PLBD1: variants seen among roughly 807,000 people sequenced by gnomAD.
PLBD1 encodes the protein lysosomal leucine aminopeptidase.
PLBD1 carries 60 observed loss-of-function variants against 63.0 expected under a neutral mutation model. The observed-to-expected ratio is 0.95, with a 90% CI of 0.77 to 1.18. The LOEUF (loss-of-function observed/expected upper bound fraction) is 1.18, where lower values mean the gene tolerates loss of function less well. Ranked by LOEUF, PLBD1 falls within the 50% of genes most tolerant of loss-of-function variation. The probability of loss-of-function intolerance (pLI) is 0.00; values close to 1 mark genes in which losing one functional copy is unlikely to be tolerated. For synonymous variants in PLBD1, 262 were observed against 248.0 expected, an observed-to-expected ratio of 1.06 and a Z score of -0.53; for missense variants, 598 against 677.9, an observed-to-expected ratio of 0.88 and a Z score of 1.31.
chr12:14,539,846 G>A (rs1201421449), intron 4 of PLBD1, among the ~76,000 whole-genome samples: 5 of 149,360 alleles, frequency 3.3e-5, no homozygotes, highest in African/African-American at 1.2e-4. Context: ...CTTTCACTGG[G>A]TATTATTGTT....
chr12:14,559,536 G>C (rs1945730628), intron 1 of PLBD1, among the ~76,000 whole-genome samples: 1 of 152,122 alleles, frequency 6.6e-6, no homozygotes, highest in African/African-American at 2.4e-5. Flanking sequence ...GCCTGGGTGA[G>C]AAACTTACTA....
intron 6 of PLBD1, among the ~76,000 whole-genome samples, chr12:14,529,197 A>AAAATAAAT (rs546031480): frequency 6.6e-6 from 1 of 151,850 alleles, no homozygotes; most frequent in African/African-American, 2.4e-5. Flanking sequence ...CCTGTCTTTA[A>AAAATAAAT]AAATAAATAA....
chr12:14,526,641 A>G (rs551414369), intron 6 of PLBD1, among the ~76,000 whole-genome samples: 1 of 152,314 alleles, frequency 6.6e-6, no homozygotes, highest in South Asian at 2.1e-4. Context: ...CCAACAAAAT[A>G]TATTAGAATA....
At chr12:14,558,815 CA>C (rs1243631429) in intron 1 of PLBD1, among the ~76,000 whole-genome samples, 17 of 152,266 alleles carry the variant, frequency 1.1e-4, no homozygotes, top group African/African-American at 4.1e-4. Context: ...TTCCTGACCA[CA>C]AAAAGAAACT....
Position 14,511,247 on chromosome 12 carries a change from A to G in PLBD1, c.1186+13T>C, listed in dbSNP as rs1304475489. The stretch of plus-strand genomic sequence containing the variant: ...CTCATCAGGTTTTAAGACTTACGAC[A>G]TGAAGAAAGTACCTTTCCGTAGAAC... On this transcript the variant is annotated intron_variant, in intron 8 of 10. Transcript: ENST00000240617. 2 of 1,573,334 alleles carry G rather than the reference A, an allele frequency of 1.3e-6. No homozygotes were observed. The highest frequency in any genetic ancestry group is 1.7e-6 in the Non-Finnish European group (2 of 1,162,178).
At chr12:14,540,115 T>TATATATATAC (rs1945559788) in intron 4 of PLBD1, among the ~76,000 whole-genome samples, 1 of 131,896 alleles carries the variant, frequency 7.6e-6, no homozygotes, top group Non-Finnish European at 1.6e-5. Context: ...ATTATTTATA[T>TATATATATAC]ATATATATAT....
rs781474376 is a variant in PLBD1 at position 14,553,192 on chromosome 12, C to T, written c.335+1G>A. 1.6e-5 allele frequency: 26 copies of T among 1,605,972 alleles called. No individual in the cohort carries two copies. Among genetic ancestry groups the T allele is most frequent in the South Asian group, 4.4e-5 (4 of 90,278 alleles). ...GGCTCTACCATGACTGGGATACTTA[C>T]GGGGCAGTGAGGTAACCCTCCAAAA... On this transcript the variant is annotated splice_donor_variant, in intron 2 of 10. Coordinates refer to ENST00000240617, the MANE Select transcript of PLBD1 (RefSeq NM_024829.6). LOFTEE classifies it high-confidence loss of function.
intron 2 of PLBD1, among the ~76,000 whole-genome samples, chr12:14,548,548 C>T (rs1475884061): frequency 6.6e-6 from 1 of 151,508 alleles, no homozygotes. Flanking sequence ...CAGTCTGGAC[C>T]TAGAAGCATA....
At chr12:14,509,247 A>G (rs1945278031) in intron 8 of PLBD1, among the ~76,000 whole-genome samples, 1 of 152,166 alleles carries the variant, frequency 6.6e-6, no homozygotes, top group African/African-American at 2.4e-5. Flanking sequence ...ATACAGACAG[A>G]TCATCATCAA....
chr12:14,565,422 CG>C (rs1592013022), intron 1 of PLBD1, among the ~76,000 whole-genome samples: 1 of 149,910 alleles, frequency 6.7e-6, no homozygotes, highest in East Asian at 1.9e-4. Flanking sequence ...GCCGAGATCA[CG>C]CCACTGTACC....
At chr12:14,528,637 C>A (rs1945435659) in intron 6 of PLBD1, among the ~76,000 whole-genome samples, 1 of 151,834 alleles carries the variant, frequency 6.6e-6, no homozygotes, top group Admixed American at 6.6e-5. Context: ...ATAGAAAGAT[C>A]AAAATCAGTT....
chr12:14,518,231 G>C (rs777937466), intron 6 of PLBD1, among the ~76,000 whole-genome samples: 4 of 152,124 alleles, frequency 2.6e-5, no homozygotes, highest in African/African-American at 7.2e-5. Context: ...ACAGTGTCAG[G>C]GACAGAGCCA....
chr12:14,563,590 A>G (rs1168016039), intron 1 of PLBD1, among the ~76,000 whole-genome samples: 2 of 152,224 alleles, frequency 1.3e-5, no homozygotes, highest in Admixed American at 1.3e-4. Context: ...CCTTATCAAG[A>G]CATGATAACT....
At chr12:14,563,925 C>A (rs558961771) in intron 1 of PLBD1, among the ~76,000 whole-genome samples, 41 of 152,190 alleles carry the variant, frequency 2.7e-4, no homozygotes, top group African/African-American at 7.5e-4. Flanking sequence ...GGCCTTATGT[C>A]GAATGAATTT....
In PLBD1 at chr12:14,540,758, T is replaced by C; in HGVS notation, c.558+6A>G. 1 of 1,568,760 alleles carries C rather than the reference T, an allele frequency of 6.4e-7. No homozygotes were observed. The highest frequency in any genetic ancestry group is 1.8e-5 in the Admixed American group (1 of 56,190). On this transcript the variant is annotated splice_donor_region_variant and intron_variant, in intron 4 of 10. Transcript: ENST00000240617. The stretch of plus-strand genomic sequence containing the variant: ...TAAATTCTGAGAAGCTTGTTTAAAG[T>C]CCTACCTTTGTCCCTTCTAATATAG...
intron 4 of PLBD1, among the ~76,000 whole-genome samples, chr12:14,540,027 T>C (rs1437135488): frequency 0.018 from 240 of 13,700 alleles, 5 homozygotes; most frequent in African/African-American, 0.018. Flanking sequence ...TATATATATA[T>C]ATATATATAT....
At chr12:14,545,162 G>A (rs1945607756) in intron 2 of PLBD1, among the ~76,000 whole-genome samples, 1 of 152,104 alleles carries the variant, frequency 6.6e-6, no homozygotes, top group Non-Finnish European at 1.5e-5. Context: ...GAATGCTTTG[G>A]CTTTTGGTTG....
chr12:14,519,618 T>TAA (rs77006344), intron 6 of PLBD1, among the ~76,000 whole-genome samples: 7 of 115,478 alleles, frequency 6.1e-5, no homozygotes, highest in South Asian at 2.7e-4. Context: ...GACATCATCT[T>TAA]AAAAAAAAAA....
intron 2 of PLBD1, among the ~76,000 whole-genome samples, chr12:14,549,249 T>A (rs1311290720): frequency 1.3e-5 from 2 of 152,014 alleles, no homozygotes; most frequent in Non-Finnish European, 2.9e-5. Flanking sequence ...ACATCTGGGG[T>A]CTATAAAAAT....
Sources: gnomAD v4.1 joint callset for allele counts (sites outside exome capture counted in the v4.1 genomes callset) on GRCh38, gnomAD v4.1.1 for gene constraint, MANE v1.5 for transcripts, NCBI Gene and HGNC (gene_info 2026-07-23, HGNC 2026-07-21) for gene names.